Variants in ATL2 observed in about 807,000 individuals in gnomAD.
ATL2 encodes atlastin-2.
ATL2 carries 31 observed loss-of-function variants against 73.9 expected under a neutral mutation model. That is an observed-to-expected ratio of 0.42 (90% CI 0.32 to 0.57). The LOEUF (loss-of-function observed/expected upper bound fraction) is 0.57, where lower values mean the gene tolerates loss of function less well. ATL2 is among the 20% of genes least tolerant of loss of function. ATL2 has a pLI of 0.14. For synonymous variants in ATL2, 291 were observed against 237.5 expected, an observed-to-expected ratio of 1.23 and a Z score of -2.07; for missense variants, 738 against 702.6, an observed-to-expected ratio of 1.05 and a Z score of -0.57.
At chr2:38,362,188 C>T (rs1008497694) in intron 1 of ATL2, among the ~76,000 whole-genome samples, 5 of 152,138 alleles carry the variant, frequency 3.3e-5, no homozygotes, top group African/African-American at 1.2e-4. Context: ...GGTGGATTCG[C>T]TAACATCTGG....
chr2:38,300,514 A>T (rs1324170064), intron 9 of ATL2, 186 bp from the exon 10 acceptor site: 15 of 471,018 alleles, frequency 3.2e-5, no homozygotes, highest in Non-Finnish European at 4.9e-5. Flanking sequence ...ATGCTGCTAA[A>T]TAATATCCTA....
At position 38,329,663 on chromosome 2, in the gene ATL2, G is replaced by C. The variant is rs116344995; in HGVS notation, c.364-10644C>G. ...ACAAATAAAGGAAAACTGCAGACCA[G>C]TATATATCATGAATATAAATGCAAA... On this transcript the variant is annotated intron_variant, in intron 2 of 12. Transcript: ENST00000378954. Among the ~76,000 whole-genome samples, 1,166 of 152,086 alleles carry C rather than the reference G, an allele frequency of 7.7e-3. 16 individuals are homozygous for C. The highest frequency in any genetic ancestry group is 0.026 in the African/African-American group (1,070 of 41,474).
intron 1 of ATL2, 59 bp downstream of exon 1, chr2:38,377,084 C>G (rs1376067053): frequency 1.3e-6 from 2 of 1,538,506 alleles, no homozygotes; most frequent in Non-Finnish European, 1.8e-6. Context: ...CCCGCGAGCC[C>G]GAGCAGCGAG....
At chr2:38,315,399 AACTTT>A in intron 4 of ATL2, 65 bp from the exon 5 acceptor site, 1 of 1,454,634 alleles carries the variant, frequency 6.9e-7, no homozygotes, top group Middle Eastern at 1.8e-4. Context: ...GCTTCTGTAT[AACTTT>A]ACTTGTGGAA....
chr2:38,342,943 C>G (rs1035960364), intron 2 of ATL2, among the ~76,000 whole-genome samples: 18 of 149,672 alleles, frequency 1.2e-4, no homozygotes, highest in African/African-American at 4.2e-4. Flanking sequence ...TTCTGTCAGC[C>G]TGGACAACAA....
intron 1 of ATL2, among the ~76,000 whole-genome samples, chr2:38,363,744 G>C (rs550444921): frequency 3.9e-5 from 6 of 152,262 alleles, no homozygotes; most frequent in Non-Finnish European, 7.4e-5. Context: ...CTGGTAACTA[G>C]AGAGCAAGGC....
At chr2:38,327,801 T>C (rs1668753427) in intron 2 of ATL2, among the ~76,000 whole-genome samples, 1 of 152,104 alleles carries the variant, frequency 6.6e-6, no homozygotes, top group Non-Finnish European at 1.5e-5. Flanking sequence ...CGGGGCGTGG[T>C]GGCGGGTGCC....
At chr2:38,317,752 T>C (rs76161811) in intron 4 of ATL2, among the ~76,000 whole-genome samples, 4,622 of 152,198 alleles carry the variant, frequency 0.03, 160 homozygotes, top group South Asian at 0.17. Context: ...CTGTGTCTGG[T>C]AGCCATCTAT....
At chr2:38,315,381 A>G in intron 4 of ATL2, 47 bp from the exon 5 acceptor site, 3 of 1,481,032 alleles carry the variant, frequency 2.0e-6, no homozygotes, top group Non-Finnish European at 1.8e-6. Context: ...TTTTGTTCTG[A>G]ATACCCAGCT....
intron 2 of ATL2, among the ~76,000 whole-genome samples, chr2:38,342,041 T>A (rs1669751868): frequency 6.6e-6 from 1 of 152,134 alleles, no homozygotes; most frequent in Non-Finnish European, 1.5e-5. Flanking sequence ...CTTCTCCTGT[T>A]CCCTTTCAAA....
chr2:38,326,772 G>A (rs1668687018), intron 2 of ATL2, among the ~76,000 whole-genome samples: 4 of 152,174 alleles, frequency 2.6e-5, no homozygotes, highest in African/African-American at 4.8e-5. Context: ...TGGATCACTT[G>A]AGGTCTGGAG....
At chr2:38,330,461 A>C (rs1668921876) in intron 2 of ATL2, among the ~76,000 whole-genome samples, 1 of 152,176 alleles carries the variant, frequency 6.6e-6, no homozygotes, top group Non-Finnish European at 1.5e-5. Flanking sequence ...GAAAGAAGTA[A>C]AACAATCATC....
intron 2 of ATL2, among the ~76,000 whole-genome samples, chr2:38,337,237 C>T (rs1183400642): frequency 6.6e-6 from 1 of 151,806 alleles, no homozygotes; most frequent in African/African-American, 2.4e-5. Flanking sequence ...GTAATCCCAA[C>T]ACTTTGGGAG....
intron 1 of ATL2, among the ~76,000 whole-genome samples, chr2:38,351,989 G>A (rs1168302949): frequency 6.6e-6 from 1 of 150,994 alleles, no homozygotes; most frequent in African/African-American, 2.4e-5. Flanking sequence ...GCAGGCCCCT[G>A]TAATCTCAGC....
intron 2 of ATL2, among the ~76,000 whole-genome samples, chr2:38,334,477 G>A (rs1019909277): frequency 8.6e-5 from 13 of 151,744 alleles, no homozygotes; most frequent in South Asian, 2.1e-4. Context: ...TGAGGTGGGC[G>A]GATCACCTGA....
chr2:38,326,054 A>G (rs1023425954), intron 2 of ATL2, among the ~76,000 whole-genome samples: 1 of 152,146 alleles, frequency 6.6e-6, no homozygotes, highest in Admixed American at 6.5e-5. Flanking sequence ...CCTGGGCAAC[A>G]TAAGGAGACT....
chr2:38,369,225 G>C (rs781257561), intron 1 of ATL2, among the ~76,000 whole-genome samples: 42 of 152,120 alleles, frequency 2.8e-4, no homozygotes, highest in Non-Finnish European at 5.4e-4. Context: ...CAAGGTGGGT[G>C]GATCACCTGA....
At chr2:38,366,019 G>C (rs1477015201) in intron 1 of ATL2, among the ~76,000 whole-genome samples, 1 of 150,232 alleles carries the variant, frequency 6.7e-6, no homozygotes, top group Non-Finnish European at 1.5e-5. Context: ...TACTACAAGA[G>C]CAGCCGTGAA....
intron 3 of ATL2, 102 bp downstream of exon 3, chr2:38,318,783 T>C (rs1668166398): frequency 7.1e-7 from 1 of 1,412,318 alleles, no homozygotes; most frequent in Non-Finnish European, 9.7e-7. Context: ...ATCCGTATGT[T>C]AAAGTTATCA....
Sources: gnomAD v4.1 joint callset for allele counts (sites outside exome capture counted in the v4.1 genomes callset) on GRCh38, gnomAD v4.1.1 for gene constraint, MANE v1.5 for transcripts, NCBI Gene and HGNC (gene_info 2026-07-23, HGNC 2026-07-21) for gene names.